Variants in ARHGEF18 observed in about 807,000 individuals in gnomAD.
ARHGEF18 encodes the protein Rho/Rac guanine nucleotide exchange factor 18.
In ARHGEF18, 93 loss-of-function variants were observed where a neutral mutation model predicts 155.7. The ratio of observed to expected loss-of-function variants is 0.60; its 90% CI spans 0.50 to 0.71. The LOEUF (loss-of-function observed/expected upper bound fraction) is 0.71, where lower values mean the gene tolerates loss of function less well. Among genes scored for constraint, ARHGEF18 ranks in the 30% least tolerant of loss-of-function variants. ARHGEF18 has a pLI of 0.00. For synonymous variants in ARHGEF18, 742 were observed against 753.1 expected (o/e 0.99, Z 0.24); for missense variants, 1,593 against 1,816.1 (o/e 0.88, Z 2.23).
At chr19:7,430,215 T>C (rs570778882) in intron 10 of ARHGEF18, among the ~76,000 whole-genome samples, 1 of 152,184 alleles carries the variant, frequency 6.6e-6, no homozygotes, top group East Asian at 1.9e-4. Flanking sequence ...TATTTTTCTT[T>C]AAAAGAAATG....
intron 10 of ARHGEF18, among the ~76,000 whole-genome samples, chr19:7,413,191 G>A (rs2145631778): frequency 6.6e-6 from 1 of 152,204 alleles, no homozygotes; most frequent in East Asian, 1.9e-4. Context: ...CAACACTGTG[G>A]GAGGCCAAGG....
intron 10 of ARHGEF18, among the ~76,000 whole-genome samples, chr19:7,426,946 C>T (rs1973702337): frequency 6.6e-6 from 1 of 152,170 alleles, no homozygotes; most frequent in South Asian, 2.1e-4. Flanking sequence ...AAAGGTTCTA[C>T]AGAGCCTTCT....
At chr19:7,441,198 T>C (rs1436371624) in intron 11 of ARHGEF18, among the ~76,000 whole-genome samples, 2 of 120,550 alleles carry the variant, frequency 1.7e-5, no homozygotes, top group South Asian at 3.1e-4. Flanking sequence ...TTTTTTTTTT[T>C]CTTTAGACAG....
chr19:7,378,345 C>T, intron 5 of ARHGEF18, 49 bp from the exon 6 acceptor site: 1 of 1,227,800 alleles, frequency 8.1e-7, no homozygotes, highest in Non-Finnish European at 1.0e-6. Flanking sequence ...CTGGTCCTGT[C>T]CCAGAGCTCC....
intron 7 of ARHGEF18, among the ~76,000 whole-genome samples, chr19:7,380,031 G>A (rs1445373419): frequency 6.6e-6 from 1 of 151,684 alleles, no homozygotes; most frequent in Non-Finnish European, 1.5e-5. Context: ...GCTGGGCGTG[G>A]TGGCACATAC....
chr19:7,351,847 A>C (rs1318341796), intron 1 of ARHGEF18, among the ~76,000 whole-genome samples: 1 of 151,414 alleles, frequency 6.6e-6, no homozygotes, highest in African/African-American at 2.4e-5. Flanking sequence ...AATGCATACC[A>C]CCACACCTGG....
At chr19:7,421,166 A>G (rs1600381735) in intron 10 of ARHGEF18, among the ~76,000 whole-genome samples, 1 of 152,058 alleles carries the variant, frequency 6.6e-6, no homozygotes, top group Non-Finnish European at 1.5e-5. Context: ...TCCTGGGCTC[A>G]AGCGATCTGC....
intron 10 of ARHGEF18, among the ~76,000 whole-genome samples, chr19:7,403,083 G>A (rs576375443): frequency 9.9e-5 from 15 of 152,086 alleles, no homozygotes; most frequent in Non-Finnish European, 1.5e-4. Flanking sequence ...GCGCGATCTC[G>A]GCTCACTGTA....
chr19:7,406,934 G>A (rs999224555), intron 10 of ARHGEF18, among the ~76,000 whole-genome samples: 5 of 151,434 alleles, frequency 3.3e-5, no homozygotes, highest in Admixed American at 6.6e-5. Flanking sequence ...GCGTGGTGGC[G>A]GGCGCCTGTA....
intron 10 of ARHGEF18, among the ~76,000 whole-genome samples, chr19:7,415,599 T>C (rs1972958203): frequency 6.6e-6 from 1 of 151,962 alleles, no homozygotes; most frequent in South Asian, 2.1e-4. Context: ...AGACATTCCC[T>C]CCACCCTGCC....
chr19:7,441,268 C>T (rs1775205897), intron 11 of ARHGEF18, among the ~76,000 whole-genome samples: 1 of 149,950 alleles, frequency 6.7e-6, no homozygotes. Context: ...CAACCTCCAC[C>T]TCCCAGATTC....
intron 10 of ARHGEF18, among the ~76,000 whole-genome samples, chr19:7,384,148 T>A (rs1970877178): frequency 1.3e-5 from 2 of 152,218 alleles, no homozygotes; most frequent in South Asian, 2.1e-4. Flanking sequence ...GTTCACAGTT[T>A]CTGGGCCTTA....
chr19:7,478,435 C>T, the ARHGEF18 span: 17 of 1,531,850 alleles, frequency 1.1e-5, no homozygotes, highest in South Asian at 2.0e-4. Context: ...GTTAGCTCCA[C>T]AACGCTGGCC....
intron 10 of ARHGEF18, among the ~76,000 whole-genome samples, chr19:7,428,165 T>C (rs1014768604): frequency 6.6e-6 from 1 of 152,110 alleles, no homozygotes; most frequent in Non-Finnish European, 1.5e-5. Flanking sequence ...TGAAACTGAA[T>C]GGGGGTGGGT....
At chr19:7,439,875 G>C (rs1974512109) in intron 10 of ARHGEF18, 2 of 1,450,240 alleles carry the variant, frequency 1.4e-6, no homozygotes, top group African/African-American at 1.4e-5. Flanking sequence ...GGGAGAGCCT[G>C]GAGGGGTTGT....
intron 6 of ARHGEF18, among the ~76,000 whole-genome samples, chr19:7,378,674 A>C (rs1970576203): frequency 1.4e-5 from 2 of 142,810 alleles, no homozygotes; most frequent in Admixed American, 7.1e-5. Context: ...GCCTTGGGAG[A>C]CAATTGTGGC....
At chr19:7,356,377 C>T (rs927133114) in intron 1 of ARHGEF18, among the ~76,000 whole-genome samples, 1 of 151,184 alleles carries the variant, frequency 6.6e-6, no homozygotes, top group African/African-American at 2.4e-5. Context: ...GGGTTCAATT[C>T]ATTCTCCTGC....
At chr19:7,428,278 C>T (rs147095663) in intron 10 of ARHGEF18, among the ~76,000 whole-genome samples, 2 of 152,160 alleles carry the variant, frequency 1.3e-5, no homozygotes, top group Non-Finnish European at 2.9e-5. Context: ...GGTAAGTAAC[C>T]CTTGGCTTTG....
intron 19 of ARHGEF18, 108 bp downstream of exon 19, chr19:7,458,798 C>T: frequency 1.6e-6 from 2 of 1,274,392 alleles, no homozygotes; most frequent in Non-Finnish European, 2.1e-6. Flanking sequence ...TCCCTCATCC[C>T]AGCTTGGGAC....
Sources: allele counts gnomAD v4.1 joint callset (sites outside exome capture counted in the v4.1 genomes callset), GRCh38; gene constraint gnomAD v4.1.1; transcripts MANE v1.5; gene names NCBI Gene and HGNC (gene_info 2026-07-23, HGNC 2026-07-21).